The following LOC400499 variants were observed in gnomAD, a reference collection of about 807,000 sequenced individuals.
At chr16:11,412,594 TG>T in the LOC400499 span, among the ~76,000 whole-genome samples, 1 of 152,220 alleles carries the variant, frequency 6.6e-6, no homozygotes, top group Non-Finnish European at 1.5e-5. Flanking sequence ...AATAAGTGTT[TG>T]GGGCCTTGGA....
the LOC400499 span, among the ~76,000 whole-genome samples, chr16:11,497,396 G>A: frequency 3.9e-5 from 6 of 152,232 alleles, no homozygotes; most frequent in East Asian, 1.9e-4. Flanking sequence ...CAGGGCAAGC[G>A]GGCTTGGCTG....
chr16:11,424,363 G>A, the LOC400499 span: 16 of 399,520 alleles, frequency 4.0e-5, no homozygotes, highest in Admixed American at 1.8e-4. Flanking sequence ...AGAGGCCAGC[G>A]GGCAGGAGTG....
At chr16:11,403,693 A>G in the LOC400499 span, among the ~76,000 whole-genome samples, 86,864 of 152,050 alleles carry the variant, frequency 0.57, 25,377 homozygotes, top group Middle Eastern at 0.7. Context: ...TGTGCTCAGG[A>G]GGTTCCTTAC....
At chr16:11,526,540 G>T in the LOC400499 span, among the ~76,000 whole-genome samples, 2 of 152,060 alleles carry the variant, frequency 1.3e-5, no homozygotes, top group Non-Finnish European at 2.9e-5. Flanking sequence ...GAAATATGTC[G>T]TAAGTATAAA....
the LOC400499 span, among the ~76,000 whole-genome samples, chr16:11,504,085 C>T: frequency 4.6e-5 from 7 of 152,340 alleles, no homozygotes; most frequent in East Asian, 1.4e-3. Context: ...GGGCAAGCCT[C>T]TGGCCACAAG....
At chr16:11,456,884 AGATGTGTC>A in the LOC400499 span, 1 of 1,536,220 alleles carries the variant, frequency 6.5e-7, no homozygotes, top group Non-Finnish European at 8.7e-7. Context: ...GGGTGGCCCG[AGATGTGTC>A]CTTCCACTGC....
At chr16:11,411,348 G>C in the LOC400499 span, 1 of 399,268 alleles carries the variant, frequency 2.5e-6, no homozygotes, top group Non-Finnish European at 4.4e-6. Flanking sequence ...GGAAAGAGAA[G>C]GCCTGAAGCT....
At chr16:11,384,005 C>G in the LOC400499 span, 5 of 1,231,810 alleles carry the variant, frequency 4.1e-6, no homozygotes, top group Non-Finnish European at 5.1e-6. Context: ...CAGTCACCAC[C>G]CACCTGGCAG....
chr16:11,498,246 C>T, the LOC400499 span, among the ~76,000 whole-genome samples: 3 of 152,094 alleles, frequency 2.0e-5, no homozygotes, highest in Non-Finnish European at 2.9e-5. Flanking sequence ...TTTGGGAGGC[C>T]GAAGCAGGCA....
chr16:11,438,364 G>A, the LOC400499 span, among the ~76,000 whole-genome samples: 5 of 152,168 alleles, frequency 3.3e-5, no homozygotes, highest in African/African-American at 1.2e-4. Context: ...ACATCAACCT[G>A]TGAAAGCTCA....
chr16:11,390,374 G>A, the LOC400499 span: 212 of 1,236,582 alleles, frequency 1.7e-4, no homozygotes, highest in South Asian at 2.0e-4. Context: ...TGCAGCCGCC[G>A]CATGGCCTCC....
chr16:11,425,951 A>G, the LOC400499 span, among the ~76,000 whole-genome samples: 1 of 152,212 alleles, frequency 6.6e-6, no homozygotes, highest in African/African-American at 2.4e-5. Flanking sequence ...TTTCTTAACA[A>G]AGTATTAGGA....
the LOC400499 span, among the ~76,000 whole-genome samples, chr16:11,407,828 C>T: frequency 8.6e-5 from 13 of 152,024 alleles, no homozygotes; most frequent in Non-Finnish European, 1.8e-4. Flanking sequence ...CGGGTTGCTG[C>T]GAAAATTGTA....
chr16:11,387,322 C>G, the LOC400499 span: 2 of 1,231,838 alleles, frequency 1.6e-6, no homozygotes, highest in Admixed American at 8.4e-5. Context: ...GGACAAGTCA[C>G]TGTGCCTGCC....
chr16:11,454,934 G>C, the LOC400499 span, among the ~76,000 whole-genome samples: 2 of 151,950 alleles, frequency 1.3e-5, no homozygotes, highest in African/African-American at 4.8e-5. Flanking sequence ...GCAACTGGTC[G>C]TCTTTGGAGC....
the LOC400499 span, among the ~76,000 whole-genome samples, chr16:11,477,421 T>A: frequency 6.6e-6 from 1 of 152,198 alleles, no homozygotes; most frequent in Non-Finnish European, 1.5e-5. Context: ...CCCCAGGCTG[T>A]CAGTGTCCTC....
At chr16:11,410,698 T>C in the LOC400499 span, among the ~76,000 whole-genome samples, 16 of 69,720 alleles carry the variant, frequency 2.3e-4, no homozygotes, top group African/African-American at 9.5e-4. Context: ...CACTCACCTA[T>C]TCATGCCCTA....
the LOC400499 span, among the ~76,000 whole-genome samples, chr16:11,484,243 G>A: frequency 5.3e-5 from 8 of 151,886 alleles, no homozygotes; most frequent in South Asian, 2.1e-4. Context: ...TCCTGACCTC[G>A]TGATCCGCCT....
chr16:11,478,888 T>G, the LOC400499 span, among the ~76,000 whole-genome samples: 11 of 152,094 alleles, frequency 7.2e-5, no homozygotes, highest in Non-Finnish European at 1.3e-4. Context: ...GCTCAGGAGA[T>G]TCTATGGTTT....
Sources: gnomAD v4.1 joint callset for allele counts (sites outside exome capture counted in the v4.1 genomes callset) on GRCh38, gnomAD v4.1.1 for gene constraint, MANE v1.5 for transcripts.